NEGR1: variants seen among roughly 807,000 people sequenced by gnomAD.
NEGR1 encodes neuronal growth regulator 1.
A neutral mutation model predicts 40.9 loss-of-function variants in NEGR1; 10 were observed. The ratio of observed to expected loss-of-function variants is 0.24; its 90% CI spans 0.15 to 0.42. The LOEUF (loss-of-function observed/expected upper bound fraction) is 0.42. NEGR1 is among the 10% of genes least tolerant of loss of function. The pLI is 1.00. For missense variants in NEGR1, 352 were observed against 438.9 expected (o/e 0.80, Z 1.77); for synonymous variants, 185 against 166.8 (o/e 1.11, Z -0.84).
At chr1:71,770,412 A>G (rs535129022) in intron 3 of NEGR1, among the ~76,000 whole-genome samples, 1 of 152,330 alleles carries the variant, frequency 6.6e-6, no homozygotes, top group African/African-American at 2.4e-5. Flanking sequence ...AGAATATCAC[A>G]GGAAGTAGCC....
At chr1:71,960,476 G>A (rs959396754) in intron 1 of NEGR1, among the ~76,000 whole-genome samples, 1 of 152,096 alleles carries the variant, frequency 6.6e-6, no homozygotes, top group African/African-American at 2.4e-5. Context: ...AAAAGCAACT[G>A]CATATAATTT....
intron 6 of NEGR1, among the ~76,000 whole-genome samples, chr1:71,528,770 T>G (rs1647275650): frequency 6.6e-6 from 1 of 151,264 alleles, no homozygotes; most frequent in Non-Finnish European, 1.5e-5. Context: ...TTTGGCTGTA[T>G]GCTTGCTCAG....
intron 1 of NEGR1, among the ~76,000 whole-genome samples, chr1:71,985,773 A>T (rs1183863900): frequency 1.3e-5 from 2 of 152,200 alleles, no homozygotes; most frequent in Non-Finnish European, 2.9e-5. Context: ...TTTATTTTCC[A>T]TCAGTGGCTT....
intron 2 of NEGR1, among the ~76,000 whole-genome samples, chr1:71,830,077 C>T (rs916661156): frequency 2.0e-5 from 3 of 151,870 alleles, no homozygotes; most frequent in Non-Finnish European, 2.9e-5. Context: ...AAATTTTCTT[C>T]CACAGGACTC....
At chr1:72,168,006 T>TTATTATTA (rs5775108) in intron 1 of NEGR1, among the ~76,000 whole-genome samples, 1 of 129,580 alleles carries the variant, frequency 7.7e-6, no homozygotes, top group Non-Finnish European at 1.7e-5. Context: ...ATTATTATTA[T>TTATTATTA]TTTTTTTTTT....
intron 1 of NEGR1, among the ~76,000 whole-genome samples, chr1:72,045,167 A>C (rs1307485438): frequency 1.3e-5 from 2 of 151,838 alleles, no homozygotes; most frequent in East Asian, 3.9e-4. Flanking sequence ...TCATAATTGG[A>C]GCAAGAAAGC....
chr1:71,815,576 G>A (rs182313926), intron 2 of NEGR1, among the ~76,000 whole-genome samples: 2 of 152,148 alleles, frequency 1.3e-5, no homozygotes, highest in Admixed American at 6.5e-5. Flanking sequence ...CTTGTTTTAT[G>A]AACCTGGGTG....
chr1:71,735,462 T>C (rs1006424852), intron 3 of NEGR1, among the ~76,000 whole-genome samples: 3 of 151,994 alleles, frequency 2.0e-5, no homozygotes, highest in African/African-American at 7.2e-5. Context: ...GGTTGCTTAA[T>C]TGGGTGGCTG....
At chr1:72,273,050 T>C (rs888596504) in intron 1 of NEGR1, among the ~76,000 whole-genome samples, 2 of 152,086 alleles carry the variant, frequency 1.3e-5, no homozygotes, top group East Asian at 3.9e-4. Flanking sequence ...GAACCTGATA[T>C]GGCTTAGAAA....
chr1:71,492,723 A>T (rs1646937844), intron 6 of NEGR1, among the ~76,000 whole-genome samples: 1 of 152,122 alleles, frequency 6.6e-6, no homozygotes, highest in Non-Finnish European at 1.5e-5. Context: ...GACACATAAA[A>T]CTTTGACTTT....
chr1:72,150,027 T>C (rs1479064628), intron 1 of NEGR1, among the ~76,000 whole-genome samples: 1 of 151,934 alleles, frequency 6.6e-6, no homozygotes, highest in Non-Finnish European at 1.5e-5. Flanking sequence ...CTGTCACACA[T>C]ATCTTCATGT....
chr1:71,719,676 T>C lies in NEGR1; in HGVS notation c.536-21537A>G, dbSNP rs7413285. Reference sequence around the variant, plus strand: ...AGTTTTGGCACACATGTGCACAACATGCAGGTTTGTTACCTAGGTATACAT... The same window carrying C: ...AGTTTTGGCACACATGTGCACAACACGCAGGTTTGTTACCTAGGTATACAT... On this transcript the variant is annotated intron_variant, in intron 3 of 6. Transcript: ENST00000357731. Among the ~76,000 whole-genome samples the C allele has an allele frequency of 3.2e-4, 48 of 152,056 alleles. 2 individuals carry two copies. Among genetic ancestry groups the C allele is most frequent in the Non-Finnish European group, 1.5e-4 (10 of 68,006 alleles).
intron 1 of NEGR1, among the ~76,000 whole-genome samples, chr1:72,155,527 T>A (rs1401225453): frequency 6.6e-6 from 1 of 152,102 alleles, no homozygotes; most frequent in Non-Finnish European, 1.5e-5. Flanking sequence ...ATATTTGATT[T>A]ATAAGATATT....
intron 1 of NEGR1, among the ~76,000 whole-genome samples, chr1:72,262,394 T>C (rs946350248): frequency 8.6e-5 from 13 of 151,978 alleles, no homozygotes; most frequent in Non-Finnish European, 1.9e-4. Flanking sequence ...TGGAACACAA[T>C]GGGAGAAGAA....
At chr1:71,615,916 G>A (rs977763290) in intron 4 of NEGR1, among the ~76,000 whole-genome samples, 2 of 152,176 alleles carry the variant, frequency 1.3e-5, no homozygotes, top group Non-Finnish European at 2.9e-5. Flanking sequence ...AAAGGCAGAA[G>A]CTGAGGATAG....
chr1:71,900,613 A>C (rs963381622), intron 2 of NEGR1, among the ~76,000 whole-genome samples: 10 of 152,336 alleles, frequency 6.6e-5, no homozygotes, highest in African/African-American at 2.4e-4. Flanking sequence ...TATGTACTGG[A>C]AAATGAGGGC....
intron 4 of NEGR1, among the ~76,000 whole-genome samples, chr1:71,619,192 G>T (rs1650538159): frequency 6.6e-6 from 1 of 152,116 alleles, no homozygotes; most frequent in Non-Finnish European, 1.5e-5. Context: ...TGGCCAAGTT[G>T]TACAAAACAC....
intron 2 of NEGR1, among the ~76,000 whole-genome samples, chr1:71,901,985 A>G (rs574081483): frequency 7.2e-5 from 11 of 152,286 alleles, no homozygotes; most frequent in Admixed American, 7.2e-4. Context: ...TAAACATCTT[A>G]TATTTGATTT....
chr1:72,128,623 G>A (rs1557540944), intron 1 of NEGR1, among the ~76,000 whole-genome samples: 1 of 152,022 alleles, frequency 6.6e-6, no homozygotes, highest in Non-Finnish European at 1.5e-5. Context: ...TTTACAAAGA[G>A]TCATAAATGT....
Sources: gnomAD v4.1 joint callset for allele counts (sites outside exome capture counted in the v4.1 genomes callset) on GRCh38, gnomAD v4.1.1 for gene constraint, MANE v1.5 for transcripts, NCBI Gene and HGNC (gene_info 2026-07-23, HGNC 2026-07-21) for gene names.